Variants in CD226 observed in about 807,000 individuals in gnomAD.
CD226 encodes CD226 antigen.
Under a neutral mutation model 34.9 loss-of-function variants are expected in CD226, and 24 were observed. The observed-to-expected ratio is 0.69, with a 90% confidence interval of 0.50 to 0.97. The LOEUF is 0.97. Among genes scored for constraint, CD226 ranks in the 50% least tolerant of loss-of-function variants. The pLI is 0.00. For synonymous variants in CD226, 148 were observed against 147.4 expected, an observed-to-expected ratio of 1.00 and a Z score of -0.03; for missense variants, 397 against 412.7, an observed-to-expected ratio of 0.96 and a Z score of 0.33.
At position 69,858,385 on chromosome 18, in the gene CD226, A is replaced by T. The variant is rs1982672138; in HGVS notation, c.*5929T>A. The T allele has an allele frequency of 1.3e-5, 2 of 152,236 alleles. No homozygotes were observed. The highest frequency in any genetic ancestry group is 4.8e-5 in the African/African-American group (2 of 41,530). 9.4% of individuals were successfully genotyped at this position (152,236 alleles called of 1,614,324 possible). A position where few individuals can be genotyped will look rare whatever the true frequency, so the allele number is the denominator to read the frequency against. The stretch of plus-strand genomic sequence containing the variant: ...GAATGTCGCAGTGTGTTCTGTTTGG[A>T]AAGTAAGTTGTACCCTGACTGCCAC... On this transcript the variant is annotated 3_prime_UTR_variant, in exon 6 of 6. Coordinates refer to ENST00000582621, the MANE Select transcript of CD226 (RefSeq NM_001303618.2).
intron 2 of CD226, among the ~76,000 whole-genome samples, chr18:69,942,427 G>C (rs1034382226): frequency 6.6e-6 from 1 of 152,184 alleles, no homozygotes; most frequent in Admixed American, 6.5e-5. Flanking sequence ...GGTGGTGAAA[G>C]AAAAATCTGG....
At chr18:69,938,967 T>A (rs2055689229) in intron 2 of CD226, among the ~76,000 whole-genome samples, 1 of 152,128 alleles carries the variant, frequency 6.6e-6, no homozygotes, top group Non-Finnish European at 1.5e-5. Context: ...AGGCCTGTAA[T>A]CCCAGCTACT....
intron 2 of CD226, among the ~76,000 whole-genome samples, chr18:69,942,223 A>C (rs1159920784): frequency 6.6e-6 from 1 of 152,154 alleles, no homozygotes; most frequent in Non-Finnish European, 1.5e-5. Flanking sequence ...CATGTGAGCC[A>C]ATTTCTTATA....
At chr18:69,926,074 T>C (rs1482225006) in intron 2 of CD226, among the ~76,000 whole-genome samples, 1 of 152,076 alleles carries the variant, frequency 6.6e-6, no homozygotes, top group African/African-American at 2.4e-5. Context: ...ACCCAGGATG[T>C]GGAGGTCGCA....
rs906486837 is a variant in CD226, at chr18:69,863,836, T to C, written c.*478A>G. 2.6e-5 allele frequency: 4 copies of C among 152,820 alleles called. No homozygotes were observed. The highest frequency in any genetic ancestry group is 9.7e-5 in the African/African-American group (4 of 41,436). 9.5% of individuals were successfully genotyped at this position (152,820 alleles called of 1,614,324 possible). On this transcript the variant is annotated 3_prime_UTR_variant, in exon 6 of 6. Transcript: ENST00000582621. ...CAATGAAAAAATAATCAAATTTGTTTGCTCCATTTGAGAAGCAAACTCTCT... is the reference window on the plus strand; with the variant it reads ...CAATGAAAAAATAATCAAATTTGTTCGCTCCATTTGAGAAGCAAACTCTCT...
At chr18:69,905,770 T>C (rs2055245162) in intron 2 of CD226, among the ~76,000 whole-genome samples, 1 of 152,076 alleles carries the variant, frequency 6.6e-6, no homozygotes, top group South Asian at 2.1e-4. Context: ...AACAAAGTGA[T>C]GAAAGCACAA....
chr18:69,908,739 G>A (rs972481741), intron 2 of CD226, among the ~76,000 whole-genome samples: 2 of 152,196 alleles, frequency 1.3e-5, no homozygotes, highest in African/African-American at 2.4e-5. Flanking sequence ...CAAAGCACAT[G>A]TTCTTTAGCA....
chr18:69,937,990 C>T (rs1040439032), intron 2 of CD226, among the ~76,000 whole-genome samples: 2 of 152,186 alleles, frequency 1.3e-5, no homozygotes, highest in Non-Finnish European at 2.9e-5. Flanking sequence ...ACAGAGAACA[C>T]TTGTCCCTGA....
intron 4 of CD226, among the ~76,000 whole-genome samples, chr18:69,872,502 C>T (rs1266493917): frequency 6.6e-6 from 1 of 152,144 alleles, no homozygotes; most frequent in Non-Finnish European, 1.5e-5. Flanking sequence ...CCTCCAGCCT[C>T]AGCCTCCTGA....
chr18:69,891,265 C>A (rs1243407136), intron 3 of CD226, among the ~76,000 whole-genome samples: 1 of 150,498 alleles, frequency 6.6e-6, no homozygotes, highest in African/African-American at 2.5e-5. Context: ...AAGCATTTGA[C>A]AAATTCAACA....
chr18:69,863,760 C>G lies in CD226; in HGVS notation c.*554G>C, dbSNP rs1411448356. 6.6e-6 allele frequency: 1 copy of G among 152,438 alleles called. No homozygotes were observed. The highest frequency in any genetic ancestry group is 2.4e-5 in the African/African-American group (1 of 41,412). The allele number at this position is 152,438 out of a possible 1,614,324, so 9.4% of individuals were successfully genotyped here. On this transcript the variant is annotated 3_prime_UTR_variant, in exon 6 of 6. Coordinates refer to ENST00000582621, the MANE Select transcript of CD226 (RefSeq NM_001303618.2). ...CTGCTTCTCAGCTCTAGAAGTGAACCCTTAGTTTACTTAAGCCATTCCATC... is the reference window on the plus strand; with the variant it reads ...CTGCTTCTCAGCTCTAGAAGTGAACGCTTAGTTTACTTAAGCCATTCCATC...
intron 2 of CD226, among the ~76,000 whole-genome samples, chr18:69,916,659 A>C (rs1380142458): frequency 1.3e-5 from 2 of 152,214 alleles, no homozygotes; most frequent in African/African-American, 4.8e-5. Flanking sequence ...TATCTTTCAT[A>C]CTAAATACAC....
At chr18:69,896,180 A>AC (rs1985281293) in intron 2 of CD226, 135 bp from the exon 3 acceptor site, 4 of 1,323,478 alleles carry the variant, frequency 3.0e-6, no homozygotes, top group Non-Finnish European at 2.9e-6. Context: ...TCTTTATACT[A>AC]CTTTTTTTTT....
In CD226 at chr18:69,869,803, T is replaced by C. The variant is rs868331475; in HGVS notation, c.831-2392A>G. On this transcript the variant is annotated intron_variant, in intron 4 of 5. Coordinates refer to ENST00000582621, the MANE Select transcript of CD226 (RefSeq NM_001303618.2). Reference sequence around the variant, plus strand: ...ATGAGAGATTTTCTTTTTTTTCTTTTTTTTTTTTTTTTTTTGAGATGGAGT... The same window carrying C: ...ATGAGAGATTTTCTTTTTTTTCTTTCTTTTTTTTTTTTTTTGAGATGGAGT... Among the ~76,000 whole-genome samples the C allele has an allele frequency of 3.8e-3, 535 of 140,962 alleles. 5 individuals are homozygous for C. Among genetic ancestry groups the C allele is most frequent in the African/African-American group, 0.014 (494 of 36,206 alleles). 92.5% of individuals were successfully genotyped at this position (140,962 alleles called of 152,430 possible).
intron 2 of CD226, among the ~76,000 whole-genome samples, chr18:69,908,352 C>T (rs2055281948): frequency 6.6e-6 from 1 of 152,170 alleles, no homozygotes; most frequent in Admixed American, 6.5e-5. Context: ...AATTGTACTC[C>T]TTCTAATCTC....
chr18:69,868,460 C>T (rs1321956953), intron 4 of CD226, among the ~76,000 whole-genome samples: 1 of 152,124 alleles, frequency 6.6e-6, no homozygotes, highest in South Asian at 2.1e-4. Context: ...TGAAATCCTC[C>T]TATCATGTCA....
chr18:69,946,508 A>G (rs1251997967), intron 2 of CD226, among the ~76,000 whole-genome samples: 1 of 152,124 alleles, frequency 6.6e-6, no homozygotes. Flanking sequence ...TACTACATTC[A>G]AATTTGAAAG....
intron 2 of CD226, among the ~76,000 whole-genome samples, chr18:69,933,803 C>T (rs2055617905): frequency 6.6e-6 from 1 of 152,052 alleles, no homozygotes; most frequent in South Asian, 2.1e-4. Context: ...ATAATCAGAC[C>T]ATGTTAAGAA....
At position 69,860,564 on chromosome 18, in the gene CD226, T is replaced by C. The variant is rs1982761524; in HGVS notation, c.*3750A>G. 6.6e-6 allele frequency: 1 copy of C among 152,220 alleles called. No homozygotes were observed. 9.4% of individuals were successfully genotyped at this position (152,220 alleles called of 1,614,324 possible). A position where few individuals can be genotyped will look rare whatever the true frequency, so the allele number is the denominator to read the frequency against. ...TGCAGTTAATTCTAGAAGCTATTTT[T>C]CTACCTATTGAATCACTAGAAATAG... On this transcript the variant is annotated 3_prime_UTR_variant, in exon 6 of 6. Transcript: ENST00000582621.
Sources: allele counts gnomAD v4.1 joint callset (sites outside exome capture counted in the v4.1 genomes callset), GRCh38; gene constraint gnomAD v4.1.1; transcripts MANE v1.5; gene names NCBI Gene and HGNC (gene_info 2026-07-23, HGNC 2026-07-21).